Variants in PTPRK observed in about 807,000 individuals in gnomAD.
The protein encoded by PTPRK is receptor-type tyrosine-protein phosphatase kappa.
PTPRK carries 75 observed loss-of-function variants against 178.0 expected under a neutral mutation model. The observed-to-expected ratio is 0.42, with a 90% CI of 0.35 to 0.51. The LOEUF (loss-of-function observed/expected upper bound fraction) is 0.51, where lower values mean the gene tolerates loss of function less well. Ranked by LOEUF, PTPRK falls within the 20% of genes least tolerant of loss-of-function variation. The pLI is 0.02. For synonymous variants in PTPRK, 637 were observed against 620.6 expected (o/e 1.03, Z -0.39); for missense variants, 1,441 against 1,797.8 (o/e 0.80, Z 3.59).
Position 128,471,833 on chromosome 6 carries a change from G to A in PTPRK, c.100+48426C>T, listed in dbSNP as rs75759823. ...CTGGGTTTCAAATGAGTTGAATATC[G>A]TCATGCTGATTATGGTTTCTCTTCA... On this transcript the variant is annotated intron_variant, in intron 1 of 29. Transcript: ENST00000368226. Among the ~76,000 whole-genome samples the A allele has an allele frequency of 4.9e-3, 738 of 151,988 alleles. 39 individuals carry two copies. In the East Asian group the frequency reaches 0.11, roughly 23 times the overall value.
At position 128,019,926 on chromosome 6, in the gene PTPRK, C is replaced by A. The variant is rs138729151; in HGVS notation, c.2195-10658G>T. Among the ~76,000 whole-genome samples, 8 of 152,172 alleles carry A rather than the reference C, an allele frequency of 5.3e-5. No homozygotes were observed. The East Asian group carries it at 1.5e-3, about 29-fold the overall frequency. On this transcript the variant is annotated intron_variant, in intron 13 of 29. Transcript: ENST00000368226. ...GTTTTTTTAAGTTGAGGAACTGTAT[C>A]ATCTCAAAAGCAAAAATGCTTTAAG...
At chr6:127,989,639 G>A (rs1288516987) in intron 21 of PTPRK, among the ~76,000 whole-genome samples, 5 of 151,924 alleles carry the variant, frequency 3.3e-5, no homozygotes, top group Admixed American at 6.6e-5. Context: ...GGTTTGTAGC[G>A]ATTTAACTAT....
chr6:128,196,564 A>G lies in PTPRK; in HGVS notation c.869-11839T>C, dbSNP rs151046837. Among the ~76,000 whole-genome samples, 128 of 152,252 alleles carry G rather than the reference A, an allele frequency of 8.4e-4. 1 individual carries two copies. Among genetic ancestry groups the G allele is most frequent in the African/African-American group, 2.9e-3 (121 of 41,560 alleles). ...ATCTGACATTCATAGTATCAAAATAAGTCATATCATCCAAAATATGAAATA... is the reference window on the plus strand; with the variant it reads ...ATCTGACATTCATAGTATCAAAATAGGTCATATCATCCAAAATATGAAATA... On this transcript the variant is annotated intron_variant, in intron 6 of 29. Coordinates refer to ENST00000368226, the MANE Select transcript of PTPRK (RefSeq NM_002844.4).
chr6:128,426,597 A>C (rs1844169127), intron 1 of PTPRK, among the ~76,000 whole-genome samples: 3 of 152,222 alleles, frequency 2.0e-5, no homozygotes, highest in Admixed American at 2.0e-4. Flanking sequence ...TGAATGAAAT[A>C]TTTAAAATCT....
intron 1 of PTPRK, among the ~76,000 whole-genome samples, chr6:128,481,328 T>C (rs561513674): frequency 6.6e-6 from 1 of 152,318 alleles, no homozygotes; most frequent in African/African-American, 2.4e-5. Context: ...TGAAATTCTA[T>C]ATCTTTTTTC....
At chr6:128,362,488 G>A (rs1247391421) in intron 2 of PTPRK, among the ~76,000 whole-genome samples, 2 of 152,090 alleles carry the variant, frequency 1.3e-5, no homozygotes, top group Non-Finnish European at 2.9e-5. Flanking sequence ...GACATAATAA[G>A]ATCATTTTAC....
intron 6 of PTPRK, among the ~76,000 whole-genome samples, chr6:128,213,800 C>T (rs886066605): frequency 1.3e-5 from 2 of 151,830 alleles, no homozygotes; most frequent in South Asian, 2.1e-4. Flanking sequence ...ATTAGAGTAC[C>T]GGAATAGAAT....
chr6:128,355,716 C>T (rs184725237), intron 2 of PTPRK, among the ~76,000 whole-genome samples: 279 of 152,262 alleles, frequency 1.8e-3, no homozygotes, highest in African/African-American at 6.5e-3. Context: ...TTAATGGGTG[C>T]AGCACACCAA....
chr6:128,395,780 A>C (rs1477840941), intron 2 of PTPRK, among the ~76,000 whole-genome samples: 1 of 152,200 alleles, frequency 6.6e-6, no homozygotes, highest in Non-Finnish European at 1.5e-5. Context: ...TCAACCACAC[A>C]GTTCCAGTTT....
At chr6:127,985,977 A>C in intron 21 of PTPRK, 102 bp from the exon 22 acceptor site, 1 of 1,145,774 alleles carries the variant, frequency 8.7e-7, no homozygotes, top group African/African-American at 1.5e-5. Context: ...CAATGATAAC[A>C]ATAAAACCTT....
chr6:128,330,078 A>T (rs760322896), intron 2 of PTPRK, among the ~76,000 whole-genome samples: 1 of 152,202 alleles, frequency 6.6e-6, no homozygotes, highest in Non-Finnish European at 1.5e-5. Flanking sequence ...TTTTCCCAGT[A>T]GTAACAAAGA....
intron 2 of PTPRK, among the ~76,000 whole-genome samples, chr6:128,341,499 C>T (rs996336075): frequency 6.6e-6 from 1 of 151,992 alleles, no homozygotes; most frequent in Admixed American, 6.6e-5. Flanking sequence ...TGTACACAGG[C>T]CTAAATTAAT....
At position 128,305,857 on chromosome 6, in the gene PTPRK, T is replaced by C. The variant is rs149607087; in HGVS notation, c.495+16182A>G. Among the ~76,000 whole-genome samples, 1,076 of 152,368 alleles carry C rather than the reference T, an allele frequency of 7.1e-3. 3 individuals carry two copies. Among genetic ancestry groups the C allele is most frequent in the Non-Finnish European group, 9.5e-3 (643 of 68,032 alleles). On this transcript the variant is annotated intron_variant, in intron 3 of 29. Transcript: ENST00000368226. ...CTCAGTATTTATTAATTATGTGTTATATGCTAGCTATTATGATGGATGCTA... is the reference window on the plus strand; with the variant it reads ...CTCAGTATTTATTAATTATGTGTTACATGCTAGCTATTATGATGGATGCTA...
intron 1 of PTPRK, among the ~76,000 whole-genome samples, chr6:128,515,455 C>A (rs1034508369): frequency 1.3e-5 from 2 of 151,848 alleles, no homozygotes; most frequent in African/African-American, 4.8e-5. Context: ...CAATTACAAC[C>A]TTTTTAGGCA....
intron 1 of PTPRK, among the ~76,000 whole-genome samples, chr6:128,473,554 A>G (rs553514145): frequency 9.2e-5 from 14 of 152,036 alleles, no homozygotes; most frequent in African/African-American, 2.9e-4. Context: ...ATCAATATTT[A>G]CTATTATGGA....
intron 7 of PTPRK, among the ~76,000 whole-genome samples, chr6:128,092,610 A>T (rs779626064): frequency 2.0e-5 from 3 of 152,204 alleles, no homozygotes; most frequent in Non-Finnish European, 2.9e-5. Context: ...AAGGTGCTAT[A>T]GCATACAAAC....
chr6:128,152,157 C>T (rs887729830), intron 7 of PTPRK, among the ~76,000 whole-genome samples: 4 of 151,890 alleles, frequency 2.6e-5, no homozygotes, highest in South Asian at 2.1e-4. Flanking sequence ...AAACAGTAAT[C>T]GTGGAGTTAA....
intron 2 of PTPRK, among the ~76,000 whole-genome samples, chr6:128,393,383 C>A (rs896226116): frequency 1.2e-4 from 19 of 152,140 alleles, no homozygotes; most frequent in Non-Finnish European, 2.6e-4. Context: ...GCCACCACGC[C>A]CGGCTGTTCA....
At chr6:128,338,590 A>G (rs1339291408) in intron 2 of PTPRK, among the ~76,000 whole-genome samples, 3 of 152,136 alleles carry the variant, frequency 2.0e-5, no homozygotes, top group African/African-American at 7.2e-5. Flanking sequence ...ACCAGTGGAG[A>G]CCTACTGCTG....
Sources: allele counts gnomAD v4.1 joint callset (sites outside exome capture counted in the v4.1 genomes callset), GRCh38; gene constraint gnomAD v4.1.1; transcripts MANE v1.5; gene names NCBI Gene and HGNC (gene_info 2026-07-23, HGNC 2026-07-21).